The following LRRTM4 variants were observed in gnomAD, a reference collection of about 807,000 sequenced individuals.
LRRTM4 encodes leucine-rich repeat transmembrane neuronal protein 4.
LRRTM4 carries 25 observed loss-of-function variants against 47.6 expected under a neutral mutation model. The ratio of observed to expected loss-of-function variants is 0.53; its 90% CI spans 0.38 to 0.73. The LOEUF (loss-of-function observed/expected upper bound fraction) is 0.73, where lower values mean the gene tolerates loss of function less well. Among genes scored for constraint, LRRTM4 ranks in the 30% least tolerant of loss-of-function variants. The pLI, the probability that LRRTM4 is intolerant of heterozygous loss-of-function variation, is 0.00. For synonymous variants in LRRTM4, 311 were observed against 269.5 expected, an observed-to-expected ratio of 1.15 and a Z score of -1.51; for missense variants, 638 against 713.4, an observed-to-expected ratio of 0.89 and a Z score of 1.20.
chr2:77,383,546 G>A (rs1673143308), intron 3 of LRRTM4, among the ~76,000 whole-genome samples: 1 of 152,008 alleles, frequency 6.6e-6, no homozygotes, highest in African/African-American at 2.4e-5. Context: ...TAATAAGTTT[G>A]CAGTTAATAA....
chr2:77,063,147 A>C (rs1278217444), intron 3 of LRRTM4, among the ~76,000 whole-genome samples: 1 of 151,384 alleles, frequency 6.6e-6, no homozygotes, highest in African/African-American at 2.4e-5. Context: ...TTTAGGAGAG[A>C]CAGGGTTTCA....
intron 3 of LRRTM4, among the ~76,000 whole-genome samples, chr2:77,456,479 T>A (rs1676546637): frequency 6.6e-6 from 1 of 152,168 alleles, no homozygotes; most frequent in African/African-American, 2.4e-5. Flanking sequence ...TCTATTCCTT[T>A]TGACTCATTC....
intron 3 of LRRTM4, among the ~76,000 whole-genome samples, chr2:77,247,346 T>C (rs1391678874): frequency 6.6e-6 from 1 of 152,144 alleles, no homozygotes; most frequent in Non-Finnish European, 1.5e-5. Context: ...AAACTTGGTG[T>C]AGGTGAATTG....
chr2:77,409,509 C>A (rs944298783), intron 3 of LRRTM4, among the ~76,000 whole-genome samples: 3 of 152,160 alleles, frequency 2.0e-5, no homozygotes, highest in African/African-American at 7.2e-5. Context: ...TCTTTTAATA[C>A]TGAATTTTGA....
intron 3 of LRRTM4, among the ~76,000 whole-genome samples, chr2:77,078,995 G>A (rs375078638): frequency 6.6e-6 from 1 of 152,086 alleles, no homozygotes; most frequent in Non-Finnish European, 1.5e-5. Context: ...TATTTTATAA[G>A]AGCATCAAAT....
At chr2:77,233,385 G>A (rs531761389) in intron 3 of LRRTM4, among the ~76,000 whole-genome samples, 2 of 152,176 alleles carry the variant, frequency 1.3e-5, no homozygotes, top group South Asian at 4.1e-4. Context: ...CAGAAAAGTT[G>A]AAATATTAAA....
At chr2:76,803,316 C>G (rs1325028034) in intron 3 of LRRTM4, among the ~76,000 whole-genome samples, 1 of 151,152 alleles carries the variant, frequency 6.6e-6, no homozygotes, top group Non-Finnish European at 1.5e-5. Flanking sequence ...CAAAATAAGA[C>G]AAACAAATAG....
intron 3 of LRRTM4, among the ~76,000 whole-genome samples, chr2:76,784,192 G>T (rs1362683782): frequency 6.6e-6 from 1 of 152,006 alleles, no homozygotes; most frequent in Admixed American, 6.6e-5. Context: ...GGTACCACTA[G>T]ATTAATGTTT....
intron 3 of LRRTM4, among the ~76,000 whole-genome samples, chr2:76,787,698 T>G (rs1674751223): frequency 6.6e-6 from 1 of 152,086 alleles, no homozygotes; most frequent in African/African-American, 2.4e-5. Context: ...CTTATTCGGG[T>G]TGATTCTTAT....
At position 76,954,031 on chromosome 2, in the gene LRRTM4, G is replaced by A. The variant is rs988972244; in HGVS notation, c.1552-205115C>T. ...CACAAGCCTGGAGAAAAGACCACAT[G>A]TATAAAAGATTTGAGAAGCCCTCAG... On this transcript the variant is annotated intron_variant, in intron 3 of 3. Coordinates refer to ENST00000409884, the MANE Select transcript of LRRTM4 (RefSeq NM_001134745.3). Among the ~76,000 whole-genome samples the A allele has an allele frequency of 2.0e-5, 3 of 151,948 alleles. No individual in the cohort carries two copies. In the East Asian group the frequency reaches 5.9e-4, roughly 30 times the overall value.
chr2:76,796,989 TTGGAGTACCTGAAAG>T (rs1272186694), intron 3 of LRRTM4, among the ~76,000 whole-genome samples: 1 of 152,056 alleles, frequency 6.6e-6, no homozygotes, highest in Non-Finnish European at 1.5e-5. Flanking sequence ...CTACATCTGA[TTGGAGTACCTGAAAG>T]TGATGGGGAG....
At chr2:77,273,609 C>A (rs1676263056) in intron 3 of LRRTM4, among the ~76,000 whole-genome samples, 1 of 152,058 alleles carries the variant, frequency 6.6e-6, no homozygotes, top group South Asian at 2.1e-4. Context: ...AATCAGATGT[C>A]AGGTTTTTCA....
intron 3 of LRRTM4, among the ~76,000 whole-genome samples, chr2:77,394,885 T>C (rs1673641097): frequency 6.6e-6 from 1 of 151,904 alleles, no homozygotes; most frequent in African/African-American, 2.4e-5. Flanking sequence ...ATCCGTCTCT[T>C]GTCCCATCAA....
intron 2 of LRRTM4, 34 bp downstream of exon 2, chr2:77,521,620 CCAAGAGGATCAGCT>C (rs779222037): frequency 6.2e-7 from 1 of 1,610,492 alleles, no homozygotes; most frequent in East Asian, 2.2e-5. Flanking sequence ...GGATAGGAAG[CCAAGAGGATCAGCT>C]TTGCTCAGAA....
intron 3 of LRRTM4, among the ~76,000 whole-genome samples, chr2:77,356,898 T>C (rs372693999): frequency 1.1e-4 from 16 of 152,292 alleles, no homozygotes; most frequent in African/African-American, 3.6e-4. Flanking sequence ...AATTAATGTA[T>C]TTGATTTTTT....
chr2:76,837,296 G>T (rs1427062452), intron 3 of LRRTM4, among the ~76,000 whole-genome samples: 3 of 152,170 alleles, frequency 2.0e-5, no homozygotes, highest in Admixed American at 2.0e-4. Flanking sequence ...CTTCGTAGCG[G>T]TCTATCAATT....
intron 3 of LRRTM4, among the ~76,000 whole-genome samples, chr2:77,414,694 G>A (rs1674571931): frequency 6.6e-6 from 1 of 152,158 alleles, no homozygotes; most frequent in South Asian, 2.1e-4. Flanking sequence ...GCTTACTGGG[G>A]AGCACCAAAA....
intron 3 of LRRTM4, among the ~76,000 whole-genome samples, chr2:76,880,510 C>T (rs572127887): frequency 3.9e-5 from 6 of 152,134 alleles, no homozygotes; most frequent in Admixed American, 1.3e-4. Context: ...ATAACTTTTA[C>T]ATGAACTAGG....
intron 3 of LRRTM4, among the ~76,000 whole-genome samples, chr2:76,858,996 A>G (rs572547637): frequency 2.0e-5 from 3 of 152,278 alleles, no homozygotes; most frequent in East Asian, 3.9e-4. Flanking sequence ...AGCTTTTCTC[A>G]GGGGAAAGGC....
Sources: allele counts gnomAD v4.1 joint callset (sites outside exome capture counted in the v4.1 genomes callset), GRCh38; gene constraint gnomAD v4.1.1; transcripts MANE v1.5; gene names NCBI Gene and HGNC (gene_info 2026-07-23, HGNC 2026-07-21).